The following DENND1C variants were observed in gnomAD, a reference collection of about 807,000 sequenced individuals.
DENND1C encodes DENN domain containing 1C.
A neutral mutation model predicts 87.9 loss-of-function variants in DENND1C; 64 were observed. The observed-to-expected ratio is 0.73, with a 90% confidence interval of 0.60 to 0.90. The LOEUF is 0.90. DENND1C is among the 40% of genes least tolerant of loss of function. The probability of loss-of-function intolerance (pLI) is 0.00; values close to 1 mark genes in which losing one functional copy is unlikely to be tolerated. For synonymous variants in DENND1C, 384 were observed against 424.4 expected, an observed-to-expected ratio of 0.90 and a Z score of 1.17; for missense variants, 980 against 1,037.0, an observed-to-expected ratio of 0.95 and a Z score of 0.76.
chr19:6,478,738 T>G (rs1599390690), intron 6 of DENND1C, 45 bp downstream of exon 6: 1 of 1,570,542 alleles, frequency 6.4e-7, no homozygotes, highest in African/African-American at 1.4e-5. Flanking sequence ...TTGAGGGGGG[T>G]GGGGGCTGGG....
chr19:6,479,423 A>T (rs116760450), intron 4 of DENND1C, among the ~76,000 whole-genome samples: 40 of 140,388 alleles, frequency 2.8e-4, no homozygotes, highest in African/African-American at 1.2e-3. Context: ...TGAGTCTCTG[A>T]GTCCCTGGGT....
chr19:6,477,516 C>T lies in DENND1C; in HGVS notation c.367-58G>A, dbSNP rs896306343. The T allele has an allele frequency of 3.9e-6, 6 of 1,529,036 alleles. No individual in the cohort carries two copies. In the Admixed American group the frequency reaches 9.0e-5, roughly 23 times the overall value. The allele number at this position is 1,529,036 out of a possible 1,614,324, so 94.7% of individuals were successfully genotyped here. A position where few individuals can be genotyped will look rare whatever the true frequency, so the allele number is the denominator to read the frequency against. On this transcript the variant is annotated intron_variant, in intron 6 of 22. Coordinates refer to ENST00000381480, the MANE Select transcript of DENND1C (RefSeq NM_024898.4). ...AGCCAGATGTGGGGATTGGGGATTC[C>T]GAGGGCTATGACTAAGGTTGAGTGG...
intron 1 of DENND1C, chr19:6,480,507 T>TATCCATCC (rs755927403): frequency 1.0e-6 from 1 of 979,772 alleles, no homozygotes; most frequent in African/African-American, 1.8e-5. Flanking sequence ...TGTCTCTGTC[T>TATCCATCC]ATCCATCCAT....
In DENND1C at chr19:6,467,654, G is replaced by C; in HGVS notation, c.2256C>G (p.Pro752=). ...SSLEDPRARP[P]KALLAERAHL... is the part of the protein sequence containing the mutation. ...GAGCGCGCTCTGCCAGCAGGGCTTT[G>C]GGAGGCCGGGCTCTGGGGTCCTCCA... Residue 752 remains proline, a synonymous_variant, in exon 23 of 23, where the codon CCC becomes CCG. Transcript: ENST00000381480. The C allele has an allele frequency of 6.5e-7, 1 of 1,536,448 alleles. No homozygotes were observed. The highest frequency in any genetic ancestry group is 8.7e-7 in the Non-Finnish European group (1 of 1,144,642).
intron 15 of DENND1C, among the ~76,000 whole-genome samples, chr19:6,472,558 T>C (rs934946199): frequency 3.3e-5 from 5 of 152,104 alleles, no homozygotes; most frequent in African/African-American, 1.2e-4. Context: ...GCCCAGCTAA[T>C]TTTCGTATTT....
rs2092854012 is a variant in DENND1C, at chr19:6,475,538, G to A, written c.873C>T (p.Asp291=). Residue 291 remains aspartate, a synonymous_variant, in exon 13 of 23, where the codon GAC becomes GAT. Transcript: ENST00000381480. ...TAAAGGTCGTCTCCAAGGTATTGGC[G>A]TCCACGTTCAGCACCACGACGTCCT... The part of the protein sequence containing the change: ...ALEDVVVLNV[D]ANTLETTFND... 1.2e-6 allele frequency: 2 copies of A among 1,613,844 alleles called. No homozygotes were observed. The highest frequency in any genetic ancestry group is 8.5e-7 in the Non-Finnish European group (1 of 1,179,882).
In DENND1C at chr19:6,477,097, G is replaced by A. The variant is rs1225988911; in HGVS notation, c.544C>T (p.Arg182Cys). The change falls in exon 9 of 23, where the codon CGC becomes TGC. Residue 182 changes from arginine (R) to cysteine (C), a missense_variant. Transcript: ENST00000381480. Reference protein sequence around the residue: ...LSCFVAPDSGRLPSIPENRNL... With the variant: ...LSCFVAPDSGCLPSIPENRNL... ...ACGTTCTCAGGGATGGATGGCAGGC[G>A]GCCGGAGTCCGGGGCCACGAAGCAG... 2 of 1,605,824 alleles carry A rather than the reference G, an allele frequency of 1.2e-6. No individual in the cohort carries two copies. Among genetic ancestry groups the A allele is most frequent in the East Asian group, 2.2e-5 (1 of 44,748 alleles).
intron 17 of DENND1C, 60 bp downstream of exon 17, chr19:6,471,205 A>AATG: frequency 1.3e-6 from 2 of 1,546,788 alleles, no homozygotes; most frequent in South Asian, 2.4e-5. Context: ...TCCACCTCCT[A>AATG]ATGTGTTGGG....
chr19:6,470,371 G>A lies in DENND1C; in HGVS notation c.1291-5C>T, dbSNP rs1175906180. 4 of 1,611,764 alleles carry A rather than the reference G, an allele frequency of 2.5e-6. No individual in the cohort carries two copies. The highest frequency in any genetic ancestry group is 1.3e-5 in the African/African-American group (1 of 74,820). On this transcript the variant is annotated splice_polypyrimidine_tract_variant and splice_region_variant and intron_variant, in intron 17 of 22. Transcript: ENST00000381480. Reference sequence around the variant, plus strand: ...CAGGAGGGCGCCACCACCTTTCTGCGGGAGAGAAGATACCAAGGGGGAGAG... The same window carrying A: ...CAGGAGGGCGCCACCACCTTTCTGCAGGAGAGAAGATACCAAGGGGGAGAG...
In DENND1C at chr19:6,480,012, C is replaced by G. The variant is rs982530488; in HGVS notation, c.57G>C (p.Ala19=). ...SPAVFDWFFE[A]ACPASLQEDP... is the part of the protein sequence containing the mutation. Reference sequence around the variant, plus strand: ...CCTCCTGCAGGGAGGCAGGGCAGGCCGCTTCGAAGAACCAATCAAACACAG... The same window carrying G: ...CCTCCTGCAGGGAGGCAGGGCAGGCGGCTTCGAAGAACCAATCAAACACAG... The change falls in exon 2 of 23, where the codon GCG becomes GCC. Residue 19 remains alanine, a synonymous_variant. Coordinates refer to ENST00000381480, the MANE Select transcript of DENND1C (RefSeq NM_024898.4). 4 of 1,610,534 alleles carry G rather than the reference C, an allele frequency of 2.5e-6. No individual in the cohort carries two copies.
At chr19:6,476,802 C>A in intron 10 of DENND1C, 55 bp downstream of exon 10, 1 of 1,549,566 alleles carries the variant, frequency 6.5e-7, no homozygotes, top group Non-Finnish European at 8.7e-7. Flanking sequence ...TTGTCCCGCC[C>A]CCCGGGGCGG....
chr19:6,481,512 C>T (rs906616199), intron 1 of DENND1C, 167 bp downstream of exon 1: 3 of 926,918 alleles, frequency 3.2e-6, no homozygotes, highest in Non-Finnish European at 4.8e-6. Flanking sequence ...TGGCCTGTCC[C>T]AGAGTGAAGG....
At chr19:6,476,164 C>G (rs532068897) in intron 10 of DENND1C, 318 of 530,420 alleles carry the variant, frequency 6.0e-4, no homozygotes, top group Non-Finnish European at 8.4e-4. Flanking sequence ...TGATCCCTCT[C>G]TGTAAGGGGC....
At position 6,467,279 on chromosome 19, in the gene DENND1C, C is replaced by T; in HGVS notation, c.*225G>A. On this transcript the variant is annotated 3_prime_UTR_variant, in exon 23 of 23. Coordinates refer to ENST00000381480, the MANE Select transcript of DENND1C (RefSeq NM_024898.4). ...TTAGCTGAGATGGAAGTGACAAATG[C>T]CGAGAGGAATTGTAAGGTTGCCAGG... The T allele has an allele frequency of 1.8e-6, 1 of 567,278 alleles. No individual in the cohort carries two copies. Among genetic ancestry groups the T allele is most frequent in the South Asian group, 4.0e-5 (1 of 25,218 alleles). 35.1% of individuals were successfully genotyped at this position (567,278 alleles called of 1,614,324 possible).
intron 15 of DENND1C, 55 bp downstream of exon 15, chr19:6,472,834 G>A (rs2092836743): frequency 1.0e-5 from 14 of 1,378,750 alleles, no homozygotes; most frequent in South Asian, 6.4e-5. Context: ...ACAAGCCCTC[G>A]GGGACTCAGC....
In DENND1C at chr19:6,478,776, G is replaced by A. The variant is rs1217402790; in HGVS notation, c.366+7C>T. The A allele has an allele frequency of 6.2e-7, 1 of 1,610,536 alleles. No individual in the cohort carries two copies. Among genetic ancestry groups the A allele is most frequent in the East Asian group, 2.2e-5 (1 of 44,782 alleles). On this transcript the variant is annotated splice_region_variant and intron_variant, in intron 6 of 22. Transcript: ENST00000381480. ...TCCCACAGGAGTGAGAGAGGGGCTG[G>A]TCTCACTTGGTCCTGGGCTAGGAGG...
At chr19:6,473,804 C>T (rs866888128) in intron 14 of DENND1C, among the ~76,000 whole-genome samples, 301 of 6,750 alleles carry the variant, frequency 0.045, no homozygotes, top group African/African-American at 0.1. Context: ...GGGGTGTGGG[C>T]GGGGGGGTGG....
At chr19:6,479,320 A>C (rs1420046200) in intron 4 of DENND1C, among the ~76,000 whole-genome samples, 1 of 130,162 alleles carries the variant, frequency 7.7e-6, no homozygotes. Context: ...TGGGTTCCTC[A>C]GTCCCTGAGT....
In DENND1C at chr19:6,479,696, T is replaced by G. The variant is rs1463087961; in HGVS notation, c.149A>C (p.Lys50Thr). ...RDQEAMQMVPKFCFPFDVERE... is the reference protein window; with the variant it reads ...RDQEAMQMVPTFCFPFDVERE... ...TTCCACATCAAAAGGGAAGCAGAAT[T>G]TAGGCACCATCTGCATAGCTTCCTG... The change falls in exon 4 of 23, where the codon AAA becomes ACA. Residue 50 changes from lysine (K) to threonine (T), a missense_variant. Lys to Thr is a moderately conservative substitution (Grantham distance 78). Transcript: ENST00000381480. 6 of 1,613,846 alleles carry G rather than the reference T, an allele frequency of 3.7e-6. No individual in the cohort carries two copies. The highest frequency in any genetic ancestry group is 1.7e-6 in the Non-Finnish European group (2 of 1,179,834).
Sources: allele counts gnomAD v4.1 joint callset (sites outside exome capture counted in the v4.1 genomes callset), GRCh38; gene constraint gnomAD v4.1.1; transcripts MANE v1.5; gene names NCBI Gene and HGNC (gene_info 2026-07-23, HGNC 2026-07-21).